Variants in LATS2 observed in about 807,000 individuals in gnomAD.
The protein encoded by LATS2 is large tumor suppressor kinase 2, also known as serine/threonine-protein kinase LATS2.
A neutral mutation model predicts 76.0 loss-of-function variants in LATS2; 24 were observed. The ratio of observed to expected loss-of-function variants is 0.32; its 90% CI spans 0.23 to 0.44. LATS2 has a LOEUF of 0.44. Among genes scored for constraint, LATS2 ranks in the 20% least tolerant of loss-of-function variants. The pLI, the probability that LATS2 is intolerant of heterozygous loss-of-function variation, is 1.00. For synonymous variants in LATS2, 692 were observed against 635.4 expected, an observed-to-expected ratio of 1.09 and a Z score of -1.34; for missense variants, 1,286 against 1,481.2, an observed-to-expected ratio of 0.87 and a Z score of 2.16.
chr13:20,976,434 G>GA (rs1565940194), intron 7 of LATS2, among the ~76,000 whole-genome samples: 1 of 152,044 alleles, frequency 6.6e-6, no homozygotes, highest in African/African-American at 2.4e-5. Flanking sequence ...GGGAATAAAA[G>GA]AAAAAATAAA....
intron 1 of LATS2, among the ~76,000 whole-genome samples, chr13:21,053,995 G>A (rs1873366324): frequency 6.6e-6 from 1 of 152,202 alleles, no homozygotes; most frequent in Non-Finnish European, 1.5e-5. Context: ...GGTGATGTTT[G>A]CAGTAATGGT....
intron 2 of LATS2, among the ~76,000 whole-genome samples, chr13:21,041,077 A>G (rs577222794): frequency 6.6e-6 from 1 of 151,580 alleles, no homozygotes; most frequent in South Asian, 2.1e-4. Context: ...GGTTCACACC[A>G]TTCTCCTGCC....
chr13:21,055,895 T>C (rs897660714), intron 1 of LATS2, among the ~76,000 whole-genome samples: 6 of 152,214 alleles, frequency 3.9e-5, no homozygotes, highest in African/African-American at 1.4e-4. Flanking sequence ...AACCACTATG[T>C]GGATGTACCA....
intron 2 of LATS2, among the ~76,000 whole-genome samples, chr13:21,034,535 G>A (rs1160953366): frequency 6.6e-6 from 1 of 152,200 alleles, no homozygotes; most frequent in Non-Finnish European, 1.5e-5. Context: ...CGCCAAGACG[G>A]AGTCACTTGC....
rs1177563875 is a variant in LATS2, at chr13:20,974,610, T to C, written c.*260A>G. On this transcript the variant is annotated 3_prime_UTR_variant, in exon 8 of 8. Coordinates refer to ENST00000382592, the MANE Select transcript of LATS2 (RefSeq NM_014572.3). ...ATGGATATAAACAAAATAAGTGCTC[T>C]TTCTAAACTGTACTAAATTTTCAAA... is the stretch of plus-strand genomic sequence containing the variant. 2 of 416,770 alleles carry C rather than the reference T, an allele frequency of 4.8e-6. No homozygotes were observed. Among genetic ancestry groups the C allele is most frequent in the African/African-American group, 4.1e-5 (2 of 49,208 alleles). The allele number at this position is 416,770 out of a possible 1,614,324, so 25.8% of individuals were successfully genotyped here.
intron 2 of LATS2, among the ~76,000 whole-genome samples, chr13:21,002,033 C>A (rs1363886855): frequency 6.6e-6 from 1 of 151,920 alleles, no homozygotes. Flanking sequence ...CCTGCCTCAG[C>A]CTCCTGAGTA....
At chr13:20,978,605 T>C (rs900714091) in intron 7 of LATS2, among the ~76,000 whole-genome samples, 1 of 152,098 alleles carries the variant, frequency 6.6e-6, no homozygotes, top group African/African-American at 2.4e-5. Flanking sequence ...AGTTTGAGGG[T>C]CACTTACACT....
At chr13:21,052,737 C>A (rs1873315435) in intron 1 of LATS2, among the ~76,000 whole-genome samples, 1 of 152,138 alleles carries the variant, frequency 6.6e-6, no homozygotes, top group African/African-American at 2.4e-5. Flanking sequence ...CAGAAAAACA[C>A]AGAGAAGAAA....
At chr13:21,009,512 G>A (rs1321394215) in intron 2 of LATS2, among the ~76,000 whole-genome samples, 1 of 152,188 alleles carries the variant, frequency 6.6e-6, no homozygotes, top group Non-Finnish European at 1.5e-5. Context: ...ACAATTAACA[G>A]ACTGTTAAGT....
rs543644951 is a variant in LATS2, at chr13:20,982,388, C to T, written c.2483-740G>A. Among the ~76,000 whole-genome samples, 216 of 152,292 alleles carry T rather than the reference C, an allele frequency of 1.4e-3. 1 individual carries two copies. The highest frequency in any genetic ancestry group is 4.7e-3 in the African/African-American group (194 of 41,574). ...GCGCAATGGCGCGATCTCAGCTCAC[C>T]GCAACCTCTGCTTCCCGGGTTCAAG... On this transcript the variant is annotated intron_variant, in intron 5 of 7. Coordinates refer to ENST00000382592, the MANE Select transcript of LATS2 (RefSeq NM_014572.3).
chr13:21,004,395 T>C (rs558953069), intron 2 of LATS2, among the ~76,000 whole-genome samples: 6 of 151,068 alleles, frequency 4.0e-5, no homozygotes, highest in East Asian at 1.9e-4. Context: ...GATTGCGCCA[T>C]TGCACTCTAG....
At chr13:21,040,739 CAGGGACG>C (rs1457725098) in intron 2 of LATS2, among the ~76,000 whole-genome samples, 8 of 152,124 alleles carry the variant, frequency 5.3e-5, no homozygotes, top group African/African-American at 1.9e-4. Context: ...GGCCAGCTGC[CAGGGACG>C]TGGGGGGCAG....
intron 1 of LATS2, among the ~76,000 whole-genome samples, chr13:21,056,520 A>G (rs1350329043): frequency 1.3e-5 from 2 of 152,248 alleles, no homozygotes; most frequent in Non-Finnish European, 2.9e-5. Flanking sequence ...AGTTGCAGAT[A>G]CATTATTAGT....
chr13:21,060,024 G>C (rs1484133263), intron 1 of LATS2, among the ~76,000 whole-genome samples: 1 of 152,096 alleles, frequency 6.6e-6, no homozygotes, highest in African/African-American at 2.4e-5. Flanking sequence ...GGTGATCCTC[G>C]CAAAATAGCA....
intron 2 of LATS2, among the ~76,000 whole-genome samples, chr13:21,032,638 ATTC>A (rs777102261): frequency 1.3e-4 from 20 of 152,206 alleles, no homozygotes; most frequent in South Asian, 8.3e-4. Flanking sequence ...GTCCAAGACA[ATTC>A]TTCTTCTAAT....
chr13:21,054,534 C>T (rs929854217), intron 1 of LATS2, among the ~76,000 whole-genome samples: 2 of 152,192 alleles, frequency 1.3e-5, no homozygotes, highest in African/African-American at 4.8e-5. Context: ...GGCAGCTGCA[C>T]CTCCCCACCC....
intron 2 of LATS2, among the ~76,000 whole-genome samples, chr13:21,025,847 C>T (rs1355111949): frequency 6.6e-6 from 1 of 152,200 alleles, no homozygotes; most frequent in African/African-American, 2.4e-5. Flanking sequence ...TACTGATGGC[C>T]ATACGGCCCT....
At position 20,989,091 on chromosome 13, in the gene LATS2, T is replaced by C. The variant is rs772976930; in HGVS notation, c.689A>G (p.His230Arg). Reference sequence around the variant, plus strand: ...GCTGGCACCGTAGCCCTTGGGTGGGTGCTGGTGCTGGTGGCCGGGCCCGTG... The same window carrying C: ...GCTGGCACCGTAGCCCTTGGGTGGGCGCTGGTGCTGGTGGCCGGGCCCGTG... Reference protein sequence around the residue: ...GPHGPGHQHQHPPKGYGASVE... With the variant: ...GPHGPGHQHQRPPKGYGASVE... Residue 230 changes from histidine (H) to arginine (R), a missense_variant, in exon 4 of 8, where the codon CAC becomes CGC. This residue lies in a region of LATS2 where 710 missense variants were observed against 660.9 expected (regional missense o/e 1.07). Coordinates refer to ENST00000382592, the MANE Select transcript of LATS2 (RefSeq NM_014572.3). The C allele has an allele frequency of 6.3e-7, 1 of 1,598,686 alleles. No individual in the cohort carries two copies. Among genetic ancestry groups the C allele is most frequent in the South Asian group, 1.1e-5 (1 of 90,194 alleles).
chr13:21,060,478 G>A (rs1002811871), intron 1 of LATS2, among the ~76,000 whole-genome samples: 60 of 152,236 alleles, frequency 3.9e-4, no homozygotes, highest in African/African-American at 1.4e-3. Context: ...GTCCCGCCAA[G>A]ACCGTGAGCA....
Sources: allele counts gnomAD v4.1 joint callset (sites outside exome capture counted in the v4.1 genomes callset), GRCh38; gene constraint gnomAD v4.1.1; regional missense constraint gnomAD v4.1.1; transcripts MANE v1.5; gene names NCBI Gene and HGNC (gene_info 2026-07-23, HGNC 2026-07-21).